The following CDK13 variants were observed in gnomAD, a reference collection of about 807,000 sequenced individuals.
The protein encoded by CDK13 is cyclin dependent kinase 13.
A neutral mutation model predicts 137.6 loss-of-function variants in CDK13; 40 were observed. That is an observed-to-expected ratio of 0.29 (90% confidence interval 0.23 to 0.38). The LOEUF is 0.38. CDK13 is among the 10% of genes least tolerant of loss of function. The pLI is 1.00. For synonymous variants in CDK13, 869 were observed against 760.1 expected (o/e 1.14, Z -2.36); for missense variants, 1,704 against 1,951.8 (o/e 0.87, Z 2.39).
At chr7:40,007,506 G>C (rs944185662) in intron 5 of CDK13, among the ~76,000 whole-genome samples, 1 of 152,044 alleles carries the variant, frequency 6.6e-6, no homozygotes, top group Admixed American at 6.6e-5. Context: ...GGCTCACTGC[G>C]ACCTCTGCCT....
In CDK13 at chr7:40,096,541, A is replaced by G. The variant is rs1329549496; in HGVS notation, c.*1561A>G. ...TTGACTGGAAGTTAGAGTTGTGCCA[A>G]TTAATCATTTTGTTCATCAACTGTT... On this transcript the variant is annotated 3_prime_UTR_variant, in exon 14 of 14. Coordinates refer to ENST00000181839, the MANE Select transcript of CDK13 (RefSeq NM_003718.5). The G allele has an allele frequency of 3.9e-5, 6 of 152,156 alleles. No individual in the cohort carries two copies. The highest frequency in any genetic ancestry group is 2.0e-4 in the Admixed American group (3 of 15,278). 9.4% of individuals were successfully genotyped at this position (152,156 alleles called of 1,614,324 possible). A position where few individuals can be genotyped will look rare whatever the true frequency, so the allele number is the denominator to read the frequency against.
chr7:39,975,268 G>T (rs1391243889), intron 1 of CDK13, among the ~76,000 whole-genome samples: 1 of 152,018 alleles, frequency 6.6e-6, no homozygotes, highest in Non-Finnish European at 1.5e-5. Flanking sequence ...ACAAAAATTT[G>T]CCGGGCCTGG....
chr7:40,060,694 TTATGAA>T (rs1239690583), intron 7 of CDK13: 1 of 152,200 alleles, frequency 6.6e-6, no homozygotes, highest in African/African-American at 2.4e-5. Flanking sequence ...AGATTAGACT[TTATGAA>T]TATGCATCTT....
intron 5 of CDK13, among the ~76,000 whole-genome samples, chr7:40,017,601 G>C (rs190850760): frequency 6.6e-5 from 10 of 151,952 alleles, no homozygotes; most frequent in Non-Finnish European, 1.5e-4. Context: ...TACTGATTTA[G>C]AGAGATACTA....
intron 11 of CDK13, among the ~76,000 whole-genome samples, chr7:40,079,104 A>G (rs746338738): frequency 2.6e-5 from 4 of 151,850 alleles, no homozygotes; most frequent in Non-Finnish European, 5.9e-5. Context: ...CTCAAGATTT[A>G]ATAATATATT....
chr7:40,036,552 C>T (rs1785487760), intron 5 of CDK13, among the ~76,000 whole-genome samples: 2 of 152,072 alleles, frequency 1.3e-5, no homozygotes, highest in African/African-American at 2.4e-5. Context: ...GTCTGGGTGA[C>T]AGCGCGAGAC....
At chr7:40,062,595 T>G in intron 7 of CDK13, 1 of 440,638 alleles carries the variant, frequency 2.3e-6, no homozygotes, top group Non-Finnish European at 4.1e-6. Context: ...GTCAACTACT[T>G]TTTGTTTTTA....
intron 1 of CDK13, 56 bp downstream of exon 1, chr7:39,951,908 G>C (rs1787232902): frequency 7.6e-7 from 1 of 1,316,384 alleles, no homozygotes; most frequent in Admixed American, 3.0e-5. Context: ...AGATCCCCAG[G>C]AGGAAGGGAA....
At position 39,988,009 on chromosome 7, in the gene CDK13, C is replaced by T. The variant is rs759925494; in HGVS notation, c.1622C>T (p.Pro541Leu). 6.2e-7 allele frequency: 1 copy of T among 1,614,036 alleles called. No individual in the cohort carries two copies. The highest frequency in any genetic ancestry group is 1.1e-5 in the South Asian group (1 of 91,056). Residue 541 changes from proline (P) to leucine (L), a missense_variant, in exon 2 of 14, where the codon CCA (proline) becomes CTA (leucine). Physicochemically the swap from Pro to Leu is moderately conservative, Grantham distance 98 (BLOSUM62 -3). Coordinates refer to ENST00000181839, the MANE Select transcript of CDK13 (RefSeq NM_003718.5). ...AAAAATGACAAAGCAAAAACAAAGCCACCTCTTCAGGTAACGAAGGTGGAA... is the reference window on the plus strand; with the variant it reads ...AAAAATGACAAAGCAAAAACAAAGCTACCTCTTCAGGTAACGAAGGTGGAA... ...TLKNDKAKTK[P>L]PLQVTKVENN... is the part of the protein sequence containing the mutation.
chr7:40,060,182 AT>A (rs1314230853), intron 7 of CDK13, among the ~76,000 whole-genome samples: 1 of 152,204 alleles, frequency 6.6e-6, no homozygotes, highest in Non-Finnish European at 1.5e-5. Flanking sequence ...AATATATAAA[AT>A]AATCTTTTAC....
At chr7:40,090,241 C>T (rs1786891780) in intron 12 of CDK13, among the ~76,000 whole-genome samples, 1 of 152,212 alleles carries the variant, frequency 6.6e-6, no homozygotes, top group Admixed American at 6.5e-5. Flanking sequence ...GTAGTTTACT[C>T]ATTTTAGCTG....
intron 1 of CDK13, among the ~76,000 whole-genome samples, chr7:39,982,777 C>T (rs992302938): frequency 6.6e-6 from 1 of 152,196 alleles, no homozygotes; most frequent in African/African-American, 2.4e-5. Flanking sequence ...TGATGATGAG[C>T]ATTTTTTCAT....
At position 40,092,784 on chromosome 7, in the gene CDK13, G is replaced by A. The variant is rs1163827832; in HGVS notation, c.3236-1G>A. On this transcript the variant is annotated splice_acceptor_variant, in intron 12 of 13. Coordinates refer to ENST00000181839, the MANE Select transcript of CDK13 (RefSeq NM_003718.5). LOFTEE classifies it high-confidence loss of function. ...TCTAATTAATATAATTTTGTCTTTA[G>A]TAAAAACAGGCCCTGGACAGCACTT... 1.2e-6 allele frequency: 2 copies of A among 1,608,724 alleles called. No individual in the cohort carries two copies. Among genetic ancestry groups the A allele is most frequent in the South Asian group, 2.2e-5 (2 of 90,614 alleles).
At position 39,951,413 on chromosome 7, in the gene CDK13, C is replaced by G. The variant is rs1429350513; in HGVS notation, c.772C>G (p.Arg258Gly). The stretch of plus-strand genomic sequence containing the variant: ...CAGCAGCAGCAGCAGCGGCGGCCGC[C>G]GGAAAAGCGCTTCGGCCACATCCAG... ...SGSSSSSGGR[R>G]KSASATSSSS... The change falls in exon 1 of 14, where the codon CGG becomes GGG. Residue 258 changes from arginine to glycine, a missense_variant. Coordinates refer to ENST00000181839, the MANE Select transcript of CDK13 (RefSeq NM_003718.5). The G allele has an allele frequency of 1.3e-6, 2 of 1,524,518 alleles. No homozygotes were observed. The highest frequency in any genetic ancestry group is 1.8e-6 in the Non-Finnish European group (2 of 1,138,280). The allele number at this position is 1,524,518 out of a possible 1,614,324, so 94.4% of individuals were successfully genotyped here.
chr7:39,965,317 A>C (rs1286840246), intron 1 of CDK13, among the ~76,000 whole-genome samples: 1 of 152,172 alleles, frequency 6.6e-6, no homozygotes, highest in African/African-American at 2.4e-5. Flanking sequence ...TATTGGGTGC[A>C]TATATATTTA....
intron 1 of CDK13, among the ~76,000 whole-genome samples, chr7:39,967,986 C>T (rs762451980): frequency 2.0e-5 from 3 of 152,140 alleles, no homozygotes; most frequent in Non-Finnish European, 2.9e-5. Context: ...CCCACTTCAG[C>T]CTCCCAAGTA....
intron 1 of CDK13, among the ~76,000 whole-genome samples, chr7:39,966,004 C>T (rs10256280): frequency 0.11 from 16,954 of 152,174 alleles, 3,110 homozygotes; most frequent in African/African-American, 0.38. Context: ...GTCTGATGGG[C>T]TTCCCTTTGT....
intron 2 of CDK13, among the ~76,000 whole-genome samples, chr7:39,992,163 G>GGGTGTGT (rs550297232): frequency 6.8e-6 from 1 of 146,408 alleles, no homozygotes; most frequent in South Asian, 2.2e-4. Context: ...AACTAATGAG[G>GGGTGTGT]GTGTGTGTGT....
chr7:39,981,259 T>C (rs1164880943), intron 1 of CDK13, among the ~76,000 whole-genome samples: 1 of 151,928 alleles, frequency 6.6e-6, no homozygotes, highest in Non-Finnish European at 1.5e-5. Context: ...TCCCCGCTAC[T>C]TTTGGGGGGT....
Sources: gnomAD v4.1 joint callset for allele counts (sites outside exome capture counted in the v4.1 genomes callset) on GRCh38, gnomAD v4.1.1 for gene constraint, MANE v1.5 for transcripts, NCBI Gene and HGNC (gene_info 2026-07-23, HGNC 2026-07-21) for gene names.